The following NR5A1 variants were observed in gnomAD, a reference collection of about 807,000 sequenced individuals.
The protein encoded by NR5A1 is nuclear receptor subfamily 5 group A member 1, also known as steroidogenic factor 1.
NR5A1 carries 6 observed loss-of-function variants against 42.7 expected under a neutral mutation model. The observed-to-expected ratio is 0.14, with a 90% CI of 0.08 to 0.28. The LOEUF (loss-of-function observed/expected upper bound fraction) is 0.28, where lower values mean the gene tolerates loss of function less well. Ranked by LOEUF, NR5A1 falls within the 10% of genes least tolerant of loss-of-function variation. The probability of loss-of-function intolerance (pLI) is 1.00; values close to 1 mark genes in which losing one functional copy is unlikely to be tolerated. For synonymous variants in NR5A1, 274 were observed against 277.5 expected (o/e 0.99, Z 0.12); for missense variants, 442 against 626.4 (o/e 0.71, Z 3.14).
At position 124,498,490 on chromosome 9, in the gene NR5A1, G is replaced by A. The variant is rs962788023; in HGVS notation, c.870+1600C>T. Among the ~76,000 whole-genome samples, 1 of 152,206 alleles carries A rather than the reference G, an allele frequency of 6.6e-6. No homozygotes were observed. Among genetic ancestry groups the A allele is most frequent in the South Asian group, 2.1e-4 (1 of 4,828 alleles). On this transcript the variant is annotated intron_variant, in intron 4 of 6. Transcript: ENST00000373588. This position sits in a 1 kb window ranked among gnomAD's most constrained non-coding sequence, Gnocchi z 4.6. Reference sequence around the variant, plus strand: ...GTGAAAATCCCCGGGAGACTAGGAAGGCAGCCAGAGGAAGTGCCCTGCCCC... The same window carrying A: ...GTGAAAATCCCCGGGAGACTAGGAAAGCAGCCAGAGGAAGTGCCCTGCCCC...
At position 124,496,913 on chromosome 9, in the gene NR5A1, TG is replaced by T. The variant is rs1232813352; in HGVS notation, c.870+3176del. Among the ~76,000 whole-genome samples the T allele has an allele frequency of 6.6e-6, 1 of 152,198 alleles. No individual in the cohort carries two copies. Among genetic ancestry groups the T allele is most frequent in the African/African-American group, 2.4e-5 (1 of 41,452 alleles). ...GACGAGAGGCTGACTGCCTGGGCCC[TG>T]GGCACTGCTGCCCACCAAGCAGCAG... On this transcript the variant is annotated intron_variant, in intron 4 of 6. Transcript: ENST00000373588. The surrounding 1 kb of genome is among the most constrained non-coding windows in gnomAD (Gnocchi z 5.0).
chr9:124,488,167 T>C (rs1832251144), intron 6 of NR5A1, among the ~76,000 whole-genome samples: 1 of 149,400 alleles, frequency 6.7e-6, no homozygotes, highest in Non-Finnish European at 1.5e-5. Flanking sequence ...AGAATGCTCC[T>C]ATTCATACTG....
Position 124,501,262 on chromosome 9 carries a change from C to T in NR5A1, c.245-547G>A, listed in dbSNP as rs764691533. ...GGGGACCCTGGTCAGCCTTGTTCAC[C>T]GCTGGCCCCAGGGTCCAGCTGTTTG... On this transcript the variant is annotated intron_variant, in intron 3 of 6. Coordinates refer to ENST00000373588, the MANE Select transcript of NR5A1 (RefSeq NM_004959.5). This position sits in a 1 kb window ranked among gnomAD's most constrained non-coding sequence, Gnocchi z 4.1. 5.3e-5 allele frequency among the ~76,000 whole-genome samples: 8 copies of T among 152,170 alleles called. No homozygotes were observed. Among genetic ancestry groups the T allele is most frequent in the Non-Finnish European group, 1.0e-4 (7 of 68,032 alleles).
rs931060778 is a variant in NR5A1, at chr9:124,501,877, C to G, written c.245-1162G>C. ...GCCTGTTCAGCACACAGTCCAGTGACCGGCCACCTCCAGAAGCTCAAATCT... is the reference window on the plus strand; with the variant it reads ...GCCTGTTCAGCACACAGTCCAGTGAGCGGCCACCTCCAGAAGCTCAAATCT... On this transcript the variant is annotated intron_variant, in intron 3 of 6. Coordinates refer to ENST00000373588, the MANE Select transcript of NR5A1 (RefSeq NM_004959.5). This position sits in a 1 kb window ranked among gnomAD's most constrained non-coding sequence, Gnocchi z 4.1. Among the ~76,000 whole-genome samples the G allele has an allele frequency of 3.9e-5, 6 of 152,220 alleles. No individual in the cohort carries two copies. The highest frequency in any genetic ancestry group is 1.4e-4 in the African/African-American group (6 of 41,454).
chr9:124,506,498 G>A (rs1171971564), intron 1 of NR5A1, among the ~76,000 whole-genome samples: 4 of 152,178 alleles, frequency 2.6e-5, no homozygotes, highest in African/African-American at 7.2e-5. Context: ...GGGGTTGGTG[G>A]ATGATGGGCT....
At chr9:124,504,821 G>A (rs1461286249) in intron 1 of NR5A1, among the ~76,000 whole-genome samples, 1 of 146,382 alleles carries the variant, frequency 6.8e-6, no homozygotes, top group East Asian at 2.0e-4. Context: ...GGCCGGGGAC[G>A]GGGAGGCGGG....
At chr9:124,494,043 CA>C (rs1280507564) in intron 4 of NR5A1, among the ~76,000 whole-genome samples, 1 of 152,226 alleles carries the variant, frequency 6.6e-6, no homozygotes, top group East Asian at 1.9e-4. Context: ...TCCACTGTGA[CA>C]AAACGAGCCC....
At position 124,500,737 on chromosome 9, in the gene NR5A1, C is replaced by T; in HGVS notation, c.245-22G>A. 1 of 1,612,266 alleles carries T rather than the reference C, an allele frequency of 6.2e-7. No individual in the cohort carries two copies. Among genetic ancestry groups the T allele is most frequent in the Non-Finnish European group, 8.5e-7 (1 of 1,180,008 alleles). The stretch of plus-strand genomic sequence containing the variant: ...ACGGCTGTGGGCAGGGGCAGAGGGT[C>T]AGACTCACCCTCTCTAAGCCCCCTT... On this transcript the variant is annotated intron_variant, in intron 3 of 6. Coordinates refer to ENST00000373588, the MANE Select transcript of NR5A1 (RefSeq NM_004959.5). This position sits in a 1 kb window ranked among gnomAD's most constrained non-coding sequence, Gnocchi z 6.9.
At chr9:124,489,677 G>A (rs944662800) in intron 6 of NR5A1, among the ~76,000 whole-genome samples, 6 of 152,056 alleles carry the variant, frequency 3.9e-5, no homozygotes, top group Non-Finnish European at 4.4e-5. Flanking sequence ...GCAGCCAACC[G>A]AGCCTGGGTC....
intron 6 of NR5A1, 64 bp downstream of exon 6, chr9:124,491,017 A>ACCCCCCCCCCCCCCCCC: frequency 2.2e-6 from 1 of 457,440 alleles, no homozygotes; most frequent in Non-Finnish European, 4.2e-6. Context: ...CTCCAGCCTC[A>ACCCCCCCCCCCCCCCCC]CCCACCCTCC....
At chr9:124,491,031 C>CCCCCCCCCCCCCAGGGGGGGTG in intron 6 of NR5A1, 50 bp downstream of exon 6, 1 of 1,217,252 alleles carries the variant, frequency 8.2e-7, no homozygotes, top group Non-Finnish European at 1.1e-6. Flanking sequence ...ACCCTCCCAC[C>CCCCCCCCCCCCCAGGGGGGGTG]CACCCGCCTC....
Position 124,482,585 on chromosome 9 carries a change from C to T in NR5A1, c.*173G>A. The T allele has an allele frequency of 5.4e-6, 1 of 185,934 alleles. No homozygotes were observed. Among genetic ancestry groups the T allele is most frequent in the Non-Finnish European group, 7.2e-6 (1 of 139,262 alleles). The allele number at this position is 185,934 out of a possible 1,614,324, so 11.5% of individuals were successfully genotyped here. A position where few individuals can be genotyped will look rare whatever the true frequency, so the allele number is the denominator to read the frequency against. On this transcript the variant is annotated 3_prime_UTR_variant, in exon 7 of 7. Transcript: ENST00000373588. ...GCCAGGCCCTGCCCAGCCTCACCCA[C>T]CTTCCCAAACACACAGTGTCAGAAC...
chr9:124,503,152 G>A lies in NR5A1; in HGVS notation c.171C>T (p.Ile57=). 6.3e-7 allele frequency: 1 copy of A among 1,599,678 alleles called. No homozygotes were observed. Residue 57 remains isoleucine (I), a synonymous_variant, in exon 3 of 7, where the codon ATC becomes ATT. Transcript: ENST00000373588. This position sits in a 1 kb window ranked among gnomAD's most constrained non-coding sequence, Gnocchi z 9.6. Reference sequence around the variant, plus strand: ...GACAGCGCTTGCGCTGCGTCTTGTCGATCTTGCAGCTCTGGCTCTCGGTGC... The same window carrying A: ...GACAGCGCTTGCGCTGCGTCTTGTCAATCTTGCAGCTCTGGCTCTCGGTGC... The part of the protein sequence containing the change: ...YTCTESQSCK[I]DKTQRKRCPF...
chr9:124,504,454 A>C (rs1348397128), intron 1 of NR5A1, among the ~76,000 whole-genome samples: 1 of 151,724 alleles, frequency 6.6e-6, no homozygotes, highest in Non-Finnish European at 1.5e-5. Flanking sequence ...GGGGGAGACA[A>C]AGCCGCAGCA....
Position 124,494,338 on chromosome 9 carries a change from G to A in NR5A1, c.871-1189C>T, listed in dbSNP as rs964634374. 3.3e-5 allele frequency among the ~76,000 whole-genome samples: 5 copies of A among 152,252 alleles called. No homozygotes were observed. The East Asian group carries it at 5.8e-4, about 18-fold the overall frequency. On this transcript the variant is annotated intron_variant, in intron 4 of 6. Coordinates refer to ENST00000373588, the MANE Select transcript of NR5A1 (RefSeq NM_004959.5). Reference sequence around the variant, plus strand: ...CAGCTCTGTCTAGTTCCAGATTTGCGCTCTTAACCACTAGGTGTGGAAGAG... The same window carrying A: ...CAGCTCTGTCTAGTTCCAGATTTGCACTCTTAACCACTAGGTGTGGAAGAG...
chr9:124,492,317 C>T (rs1832328083), intron 5 of NR5A1, among the ~76,000 whole-genome samples: 1 of 150,532 alleles, frequency 6.6e-6, no homozygotes, highest in South Asian at 2.1e-4. Context: ...CGTGTCCCCA[C>T]CCTGGCCCCC....
chr9:124,489,270 G>A (rs1259776363), intron 6 of NR5A1, among the ~76,000 whole-genome samples: 2 of 152,150 alleles, frequency 1.3e-5, no homozygotes, highest in Non-Finnish European at 2.9e-5. Flanking sequence ...GGCCCTCCCA[G>A]TGGCCTTGTG....
chr9:124,491,124 C>A lies in NR5A1; in HGVS notation c.1095G>T (p.Arg365=). 6.2e-7 allele frequency: 1 copy of A among 1,607,142 alleles called. No individual in the cohort carries two copies. The highest frequency in any genetic ancestry group is 8.5e-7 in the Non-Finnish European group (1 of 1,177,298). ...VLQLLALQLD[R]QEFVCLKFII... is the part of the protein sequence containing the mutation. ...TGAACTTGAGGCAGACAAACTCCTGCCGGTCCAGCTGCAGCGCAAGCAGCT... is the reference window on the plus strand; with the variant it reads ...TGAACTTGAGGCAGACAAACTCCTGACGGTCCAGCTGCAGCGCAAGCAGCT... Residue 365 remains arginine (R), a synonymous_variant, in exon 6 of 7, where the codon CGG becomes CGT. Transcript: ENST00000373588.
At chr9:124,491,554 T>A (rs931145900) in intron 5 of NR5A1, among the ~76,000 whole-genome samples, 3 of 152,058 alleles carry the variant, frequency 2.0e-5, no homozygotes, top group Admixed American at 6.5e-5. Flanking sequence ...GGGGCCCCTC[T>A]ACATGCTGGG....
Sources: allele counts gnomAD v4.1 joint callset (sites outside exome capture counted in the v4.1 genomes callset), GRCh38; gene constraint gnomAD v4.1.1; non-coding constraint Gnocchi (gnomAD v3.1); transcripts MANE v1.5; gene names NCBI Gene and HGNC (gene_info 2026-07-23, HGNC 2026-07-21).